The following GEMIN8 variants were observed in gnomAD, a reference collection of about 807,000 sequenced individuals.
GEMIN8 encodes gem-associated protein 8.
For missense variants in GEMIN8, 185 were observed against 205.9 expected, an observed-to-expected ratio of 0.90 and a Z score of 0.62; for synonymous variants, 80 against 78.5, an observed-to-expected ratio of 1.02 and a Z score of -0.10.
At chrX:14,001,774 G>C (rs1300540423), downstream of GEMIN8, among the ~76,000 whole-genome samples, 1 of 109,876 alleles carries the variant, frequency 9.1e-6, no homozygotes, top group Non-Finnish European at 1.9e-5. Context: ...GCCTCCCAGA[G>C]TGTTGGGATT....
chrX:13,984,239 A>G, the GEMIN8 span, among the ~76,000 whole-genome samples: 1 of 112,275 alleles, frequency 8.9e-6, no homozygotes, highest in African/African-American at 3.2e-5. Context: ...CCCTGAACAT[A>G]GAACCCAGTT....
the GEMIN8 span, among the ~76,000 whole-genome samples, chrX:13,990,018 T>C: frequency 2.7e-5 from 3 of 112,845 alleles, no homozygotes; most frequent in Non-Finnish European, 5.6e-5. Context: ...AATGGACTAT[T>C]ATGTGCTGTC....
the GEMIN8 span, among the ~76,000 whole-genome samples, chrX:13,997,983 T>A: frequency 9.1e-6 from 1 of 110,483 alleles, no homozygotes; most frequent in East Asian, 2.8e-4. Context: ...CACGACGTAT[T>A]TTTAAAATTA....
chrX:14,000,054 C>T, the GEMIN8 span, among the ~76,000 whole-genome samples: 1 of 111,100 alleles, frequency 9.0e-6, no homozygotes, highest in Non-Finnish European at 1.9e-5. Context: ...CGTGTAATCC[C>T]AGCACTTTGA....
At chrX:14,011,003 GGAT>G (rs983392447) in intron 4 of GEMIN8, among the ~76,000 whole-genome samples, 11 of 111,959 alleles carry the variant, frequency 9.8e-5, no homozygotes, top group Admixed American at 8.6e-4. Flanking sequence ...GCGTGGGAGT[GGAT>G]GAGCCAAACA....
At chrX:14,029,256 G>A (rs367639906) in intron 1 of GEMIN8, 6 of 112,176 alleles carry the variant, frequency 5.3e-5, no homozygotes, top group African/African-American at 1.9e-4. Flanking sequence ...AGGTTAAAGT[G>A]CAAGAGAAAA....
At chrX:14,010,142 T>A (rs1266998598) in intron 4 of GEMIN8, among the ~76,000 whole-genome samples, 1 of 112,300 alleles carries the variant, frequency 8.9e-6, no homozygotes, top group Non-Finnish European at 1.9e-5. Flanking sequence ...TGGCCTAGGT[T>A]AAACTGCAAG....
intron 2 of GEMIN8, among the ~76,000 whole-genome samples, chrX:14,023,565 A>G (rs1924504659): frequency 9.0e-6 from 1 of 110,899 alleles, no homozygotes; most frequent in South Asian, 3.8e-4. Context: ...TTTTTAGTAG[A>G]GATGGGGTTT....
At chrX:14,025,439 C>A (rs2158034) in intron 2 of GEMIN8, among the ~76,000 whole-genome samples, 32,650 of 110,063 alleles carry the variant, frequency 0.3, 3,590 homozygotes, top group African/African-American at 0.33. Flanking sequence ...TTTTGCCCAC[C>A]CCTGTTTCAT....
chrX:14,018,351 C>T (rs1229013759), intron 4 of GEMIN8, among the ~76,000 whole-genome samples: 1 of 112,408 alleles, frequency 8.9e-6, no homozygotes, highest in Non-Finnish European at 1.9e-5. Flanking sequence ...TATTGACTAA[C>T]TCAAGTTTAT....
In GEMIN8 at chrX:14,007,676, C is replaced by T. The variant is rs918212989; in HGVS notation, c.*1237G>A. ...CCAAGTAGCTGGGACTACAGGTGCC[C>T]GCCACCACGCCCGGCTAATTTTTTG... On this transcript the variant is annotated 3_prime_UTR_variant, in exon 5 of 5. Transcript: ENST00000680255. Among the ~76,000 whole-genome samples, 44 of 109,476 alleles carry T rather than the reference C, an allele frequency of 4.0e-4. No homozygotes were observed. The highest frequency in any genetic ancestry group is 1.1e-3 in the African/African-American group (34 of 29,976).
At chrX:14,013,788 G>GTT (rs58567489) in intron 4 of GEMIN8, 29 of 112,130 alleles carry the variant, frequency 2.6e-4, no homozygotes, top group Non-Finnish European at 3.7e-4. Flanking sequence ...GAATAAATCT[G>GTT]TTTTTTTTTT....
rs1471905503 is a variant in GEMIN8, at chrX:14,020,215, T to C, written c.335A>G (p.Glu112Gly). ...YSSRIQASTK[E>G]DQALSKEEEM... is the part of the protein sequence containing the mutation. The stretch of plus-strand genomic sequence containing the variant: ...TTCCTCTTTGGACAAAGCTTGGTCT[T>C]CTTTTGTGGATGCCTGGATCCTACT... The change falls in exon 4 of 5, where the codon GAA becomes GGA. Residue 112 changes from glutamate (E) to glycine (G), a missense_variant. Coordinates refer to ENST00000680255, the MANE Select transcript of GEMIN8 (RefSeq NM_001042479.2). 1 of 1,210,340 alleles carries C rather than the reference T, an allele frequency of 8.3e-7. No individual in the cohort carries two copies. Among genetic ancestry groups the C allele is most frequent in the East Asian group, 3.0e-5 (1 of 33,838 alleles).
chrX:13,991,659 A>T, the GEMIN8 span, among the ~76,000 whole-genome samples: 7 of 111,851 alleles, frequency 6.3e-5, no homozygotes, highest in East Asian at 1.7e-3. Context: ...GGCTGTCCTA[A>T]GTAATAGGGA....
chrX:14,003,000 G>C (rs187271787), downstream of GEMIN8, among the ~76,000 whole-genome samples: 2 of 111,821 alleles, frequency 1.8e-5, no homozygotes, highest in Non-Finnish European at 3.8e-5. Context: ...ACACACACCT[G>C]AGCCATCCTA....
intron 4 of GEMIN8, 47 bp from the exon 5 acceptor site, chrX:14,009,216 G>C (rs750068999): frequency 8.5e-7 from 1 of 1,172,693 alleles, no homozygotes. Context: ...ACACGTGTGT[G>C]CACTGCAGAA....
chrX:14,014,558 C>G, intron 4 of GEMIN8: 1 of 744,059 alleles, frequency 1.3e-6, no homozygotes, highest in Non-Finnish European at 1.6e-6. Flanking sequence ...GAAACACACA[C>G]GCATGTCAGG....
At chrX:13,994,778 C>A in the GEMIN8 span, among the ~76,000 whole-genome samples, 1 of 112,237 alleles carries the variant, frequency 8.9e-6, no homozygotes, top group South Asian at 3.7e-4. Flanking sequence ...TATATGAATA[C>A]CATTCTATAG....
downstream of GEMIN8, among the ~76,000 whole-genome samples, chrX:14,002,296 T>C (rs185915698): frequency 9.7e-6 from 1 of 103,069 alleles, no homozygotes; most frequent in Non-Finnish European, 2.0e-5. Context: ...ATGATAGATA[T>C]ACAGATAAGA....
Sources: allele counts gnomAD v4.1 joint callset (sites outside exome capture counted in the v4.1 genomes callset), GRCh38; gene constraint gnomAD v4.1.1; transcripts MANE v1.5; gene names NCBI Gene and HGNC (gene_info 2026-07-23, HGNC 2026-07-21).